Variants in ZNF622 observed in about 807,000 individuals in gnomAD.
ZNF622 encodes zinc finger protein 622.
ZNF622 carries 34 observed loss-of-function variants against 49.7 expected under a neutral mutation model. The ratio of observed to expected loss-of-function variants is 0.68; its 90% CI spans 0.52 to 0.91. The LOEUF (loss-of-function observed/expected upper bound fraction) is 0.91, where lower values mean the gene tolerates loss of function less well. ZNF622 is among the 40% of genes least tolerant of loss of function. The pLI is 0.00. For missense variants in ZNF622, 569 were observed against 616.4 expected (o/e 0.92, Z 0.81); for synonymous variants, 209 against 228.7 (o/e 0.91, Z 0.78).
At chr5:16,452,673 A>G (rs571724622) in intron 5 of ZNF622, among the ~76,000 whole-genome samples, 1 of 152,322 alleles carries the variant, frequency 6.6e-6, no homozygotes, top group South Asian at 2.1e-4. Context: ...CCACAGCTCA[A>G]GCTATTAACC....
At chr5:16,455,144 G>A (rs1029120085) in intron 4 of ZNF622, among the ~76,000 whole-genome samples, 3 of 152,202 alleles carry the variant, frequency 2.0e-5, no homozygotes, top group Non-Finnish European at 4.4e-5. Flanking sequence ...CACTGAAAAT[G>A]AATAAAGGAT....
At chr5:16,457,566 C>T (rs1458864366) in intron 4 of ZNF622, among the ~76,000 whole-genome samples, 1 of 152,184 alleles carries the variant, frequency 6.6e-6, no homozygotes, top group Non-Finnish European at 1.5e-5. Flanking sequence ...TCTAAAGCTG[C>T]TCTTGGCCTT....
In ZNF622 at chr5:16,453,036, G is replaced by A. The variant is rs1321680249; in HGVS notation, c.1283C>T (p.Ala428Val). ...AVGRVLQQYR[A>V]LGWTGSTGAA... is the part of the protein sequence containing the mutation. ...ACCTGTGCTGCCAGTCCATCCCAGG[G>A]CTCTGTACTGCTGAAGTACTCGGCC... is the stretch of plus-strand genomic sequence containing the variant. Residue 428 changes from alanine to valine, a missense_variant, in exon 5 of 6, where the codon GCC becomes GTC. Ala to Val is a moderately conservative substitution (Grantham distance 64). Coordinates refer to ENST00000308683, the MANE Select transcript of ZNF622 (RefSeq NM_033414.3). The A allele has an allele frequency of 6.5e-7, 1 of 1,550,284 alleles. No individual in the cohort carries two copies. The highest frequency in any genetic ancestry group is 1.2e-5 in the South Asian group (1 of 82,880).
chr5:16,465,399 C>A lies in ZNF622; in HGVS notation c.267G>T (p.Arg89=). The change falls in exon 1 of 6, where the codon CGG becomes CGT. Residue 89 remains arginine, a synonymous_variant. Coordinates refer to ENST00000308683, the MANE Select transcript of ZNF622 (RefSeq NM_033414.3). The surrounding 1 kb of genome is among the most constrained non-coding windows in gnomAD (Gnocchi z 6.2). ...CCTTCTTCTCCAGCTCAACGTGACG[C>A]CGGGACTTGAGGTGGTTCTCGTAGG... is the stretch of plus-strand genomic sequence containing the variant. ...FNAYENHLKS[R]RHVELEKKAV... The A allele has an allele frequency of 6.2e-7, 1 of 1,614,258 alleles. No individual in the cohort carries two copies. The highest frequency in any genetic ancestry group is 8.5e-7 in the Non-Finnish European group (1 of 1,180,048).
intron 4 of ZNF622, among the ~76,000 whole-genome samples, chr5:16,458,276 T>C (rs1218983713): frequency 7.5e-6 from 1 of 132,890 alleles, no homozygotes; most frequent in Non-Finnish European, 1.6e-5. Flanking sequence ...AAAAAAGAAA[T>C]GCCTGATCAA....
intron 1 of ZNF622, among the ~76,000 whole-genome samples, chr5:16,464,347 A>G (rs1055716267): frequency 6.6e-6 from 1 of 152,022 alleles, no homozygotes; most frequent in Non-Finnish European, 1.5e-5. Flanking sequence ...CCATGAGAAA[A>G]CTTCATCTAT....
intron 3 of ZNF622, among the ~76,000 whole-genome samples, chr5:16,459,402 G>C (rs1244244312): frequency 6.6e-6 from 1 of 152,124 alleles, no homozygotes; most frequent in Admixed American, 6.5e-5. Flanking sequence ...GCAAATTAAA[G>C]CCACTACACA....
rs1394404289 is a variant in ZNF622, at chr5:16,458,646, G to A, written c.1050-17C>T. 6.5e-7 allele frequency: 1 copy of A among 1,532,538 alleles called. No homozygotes were observed. Among genetic ancestry groups the A allele is most frequent in the South Asian group, 1.2e-5 (1 of 86,158 alleles). The allele number at this position is 1,532,538 out of a possible 1,614,324, so 94.9% of individuals were successfully genotyped here. A position where few individuals can be genotyped will look rare whatever the true frequency, so the allele number is the denominator to read the frequency against. The stretch of plus-strand genomic sequence containing the variant: ...TAGCTACTCCTATAACAGAGAAATT[G>A]CACTAATAAATAGACTAATATCTCA... On this transcript the variant is annotated splice_polypyrimidine_tract_variant and intron_variant, in intron 3 of 5. Coordinates refer to ENST00000308683, the MANE Select transcript of ZNF622 (RefSeq NM_033414.3).
chr5:16,458,385 G>T, intron 4 of ZNF622, 132 bp downstream of exon 4: 1 of 646,358 alleles, frequency 1.5e-6, no homozygotes, highest in Non-Finnish European at 2.6e-6. Flanking sequence ...GGTTTACACC[G>T]TACATGAGAA....
rs749624133 is a variant in ZNF622 at position 16,463,603 on chromosome 5, T to C, written c.765A>G (p.Leu255=). 1 of 1,614,176 alleles carries C rather than the reference T, an allele frequency of 6.2e-7. No homozygotes were observed. Among genetic ancestry groups the C allele is most frequent in the Admixed American group, 1.7e-5 (1 of 60,028 alleles). Residue 255 remains leucine (L), a synonymous_variant, in exon 2 of 6, where the codon TTA becomes TTG. Transcript: ENST00000308683. The surrounding 1 kb of genome is among the most constrained non-coding windows in gnomAD (Gnocchi z 4.2). ...GCGAGCTGGAATGATGGGAACAAAA[T>C]AAGCAGTCCGTGATAGGGATGGCAC... ...PLGAIPITDC[L]FCSHHSSSLM... is the part of the protein sequence containing the mutation.
At chr5:16,457,011 A>G (rs921932866) in intron 4 of ZNF622, among the ~76,000 whole-genome samples, 1 of 152,184 alleles carries the variant, frequency 6.6e-6, no homozygotes, top group Admixed American at 6.5e-5. Flanking sequence ...TGGCGGTCAA[A>G]ATGGGTATCT....
rs189391126 is a variant in ZNF622 at position 16,452,852 on chromosome 5, C to A, written c.1306+161G>T. On this transcript the variant is annotated intron_variant, in intron 5 of 5. Transcript: ENST00000308683. Reference sequence around the variant, plus strand: ...AAGTCATAGCACTTTGGGCTTATTGCCTTAAACATATCAAGTGGTAATGGA... The same window carrying A: ...AAGTCATAGCACTTTGGGCTTATTGACTTAAACATATCAAGTGGTAATGGA... Among the ~76,000 whole-genome samples, 38 of 152,298 alleles carry A rather than the reference C, an allele frequency of 2.5e-4. No homozygotes were observed. In the East Asian group the frequency reaches 6.2e-3, roughly 25 times the overall value.
chr5:16,463,139 C>G lies in ZNF622; in HGVS notation c.1018G>C (p.Ala340Pro), dbSNP rs763016475. 1.2e-6 allele frequency: 2 copies of G among 1,610,992 alleles called. No homozygotes were observed. The highest frequency in any genetic ancestry group is 1.7e-6 in the Non-Finnish European group (2 of 1,179,352). Residue 340 changes from alanine (A) to proline (P), a missense_variant, in exon 3 of 6, where the codon GCT (alanine) becomes CCT (proline). Transcript: ENST00000308683. The surrounding 1 kb of genome is among the most constrained non-coding windows in gnomAD (Gnocchi z 4.2). ...TCATAGAAGTCTGCAAATTCCAAAG[C>G]AGCATCGCCATCTGTGAAGAGCTTA... ...HCKLFTDGDA[A>P]LEFADFYDFR...
At position 16,465,795 on chromosome 5, in the gene ZNF622, G is replaced by A; in HGVS notation, c.-130C>T. The stretch of plus-strand genomic sequence containing the variant: ...CACTCGACACGCCGACTTCCTGATT[G>A]TCACTGAGGAAACTTCCGGCACACG... On this transcript the variant is annotated 5_prime_UTR_variant, in exon 1 of 6. Coordinates refer to ENST00000308683, the MANE Select transcript of ZNF622 (RefSeq NM_033414.3). The surrounding 1 kb of genome is among the most constrained non-coding windows in gnomAD (Gnocchi z 6.2). 7.9e-7 allele frequency: 1 copy of A among 1,261,596 alleles called. No individual in the cohort carries two copies. The highest frequency in any genetic ancestry group is 1.1e-6 in the Non-Finnish European group (1 of 922,904). 78.2% of individuals were successfully genotyped at this position (1,261,596 alleles called of 1,614,324 possible). A position where few individuals can be genotyped will look rare whatever the true frequency, so the allele number is the denominator to read the frequency against.
rs754678488 is a variant in ZNF622 at position 16,465,423 on chromosome 5, G to A, written c.243C>T (p.Ala81=). The A allele has an allele frequency of 1.3e-5, 21 of 1,614,146 alleles. No homozygotes were observed. The African/African-American group carries it at 2.5e-4, about 19-fold the overall frequency. ...GCCGGGACTTGAGGTGGTTCTCGTAGGCGTTGAAAGAGGCAAACTTCTTAC... is the reference window on the plus strand; with the variant it reads ...GCCGGGACTTGAGGTGGTTCTCGTAAGCGTTGAAAGAGGCAAACTTCTTAC... ...VCSKKFASFN[A]YENHLKSRRH... The change falls in exon 1 of 6, where the codon GCC becomes GCT. Residue 81 remains alanine, a synonymous_variant. Transcript: ENST00000308683. The surrounding 1 kb of genome is among the most constrained non-coding windows in gnomAD (Gnocchi z 6.2).
intron 3 of ZNF622, among the ~76,000 whole-genome samples, chr5:16,461,799 G>A (rs1325213253): frequency 6.6e-6 from 1 of 152,100 alleles, no homozygotes; most frequent in East Asian, 1.9e-4. Flanking sequence ...ACAGCTGAGG[G>A]GAAGGCTATA....
In ZNF622 at chr5:16,463,170, G is replaced by A; in HGVS notation, c.987C>T (p.Ser329=). The change falls in exon 3 of 6, where the codon AGC becomes AGT. Residue 329 remains serine, a synonymous_variant. Transcript: ENST00000308683. The surrounding 1 kb of genome is among the most constrained non-coding windows in gnomAD (Gnocchi z 4.2). ...CGCCATCTGTGAAGAGCTTACAGTGGCTTTTGTCATTCATATGTGCCTGTA... is the reference window on the plus strand; with the variant it reads ...CGCCATCTGTGAAGAGCTTACAGTGACTTTTGTCATTCATATGTGCCTGTA... ...EAVQAHMNDK[S]HCKLFTDGDA... The A allele has an allele frequency of 6.2e-7, 1 of 1,613,964 alleles. No homozygotes were observed. The highest frequency in any genetic ancestry group is 1.3e-5 in the African/African-American group (1 of 75,030).
chr5:16,452,949 T>A (rs1737958128), intron 5 of ZNF622, 64 bp downstream of exon 5: 1 of 1,331,552 alleles, frequency 7.5e-7, no homozygotes, highest in Non-Finnish European at 9.7e-7. Context: ...GAAACAACTT[T>A]CCCCAGACCC....
intron 5 of ZNF622, among the ~76,000 whole-genome samples, chr5:16,452,464 G>A (rs1737949139): frequency 6.6e-6 from 1 of 152,270 alleles, no homozygotes; most frequent in Admixed American, 6.5e-5. Flanking sequence ...TTACAAAAAA[G>A]GGGACTGATA....
Sources: allele counts gnomAD v4.1 joint callset (sites outside exome capture counted in the v4.1 genomes callset), GRCh38; gene constraint gnomAD v4.1.1; non-coding constraint Gnocchi (gnomAD v3.1); transcripts MANE v1.5; gene names NCBI Gene and HGNC (gene_info 2026-07-23, HGNC 2026-07-21).